The following RSPH14 variants were observed in gnomAD, a reference collection of about 807,000 sequenced individuals.
RSPH14 encodes the protein radial spoke head 14 homolog.
In RSPH14, 20 loss-of-function variants were observed where a neutral mutation model predicts 26.7. That is an observed-to-expected ratio of 0.75 (90% CI 0.53 to 1.09). RSPH14 has a LOEUF of 1.09. Ranked by LOEUF, RSPH14 falls within the 50% of genes least tolerant of loss-of-function variation. The pLI, the probability that RSPH14 is intolerant of heterozygous loss-of-function variation, is 0.00. For missense variants in RSPH14, 449 were observed against 457.2 expected, an observed-to-expected ratio of 0.98 and a Z score of 0.16; for synonymous variants, 177 against 189.3, an observed-to-expected ratio of 0.93 and a Z score of 0.53.
intron 1 of RSPH14, among the ~76,000 whole-genome samples, chr22:23,140,743 G>T (rs1381926177): frequency 1.3e-5 from 2 of 152,176 alleles, no homozygotes; most frequent in Non-Finnish European, 2.9e-5. Flanking sequence ...TTCAGTCAAA[G>T]GCATTAAAGG....
intron 4 of RSPH14, among the ~76,000 whole-genome samples, chr22:23,074,916 C>G (rs566314455): frequency 3.3e-5 from 5 of 152,270 alleles, no homozygotes; most frequent in African/African-American, 4.8e-5. Flanking sequence ...CACCTGTAAT[C>G]CTATACTATG....
chr22:23,175,306 A>AT, the RSPH14 span, among the ~76,000 whole-genome samples: 6 of 149,750 alleles, frequency 4.0e-5, no homozygotes, highest in South Asian at 4.2e-4. Flanking sequence ...CAAAAAATCT[A>AT]TTTTTTTTTA....
At chr22:23,095,438 C>T (rs1333959430) in intron 4 of RSPH14, 1 of 509,856 alleles carries the variant, frequency 2.0e-6, no homozygotes, top group Admixed American at 3.6e-5. Flanking sequence ...TACGGCAAAT[C>T]AGGCCACTTT....
chr22:23,079,730 C>T (rs28694420), intron 4 of RSPH14, among the ~76,000 whole-genome samples: 2 of 152,092 alleles, frequency 1.3e-5, no homozygotes, highest in Non-Finnish European at 2.9e-5. Flanking sequence ...GGCTGGCTAG[C>T]GGGAGTGAGT....
At chr22:23,099,847 G>A (rs996194548) in intron 4 of RSPH14, among the ~76,000 whole-genome samples, 8 of 152,262 alleles carry the variant, frequency 5.3e-5, no homozygotes, top group African/African-American at 1.9e-4. Flanking sequence ...AGCAGAGCCT[G>A]GGTCTTCACT....
chr22:23,152,547 C>G, the RSPH14 span: 1 of 1,610,904 alleles, frequency 6.2e-7, no homozygotes, highest in Non-Finnish European at 8.5e-7. Context: ...TCCTCTGCCC[C>G]TTTGGCCACC....
chr22:23,132,844 G>C (rs1411094011), intron 4 of RSPH14: 1 of 151,810 alleles, frequency 6.6e-6, no homozygotes, highest in Non-Finnish European at 1.5e-5. Context: ...ATCTGGGCTG[G>C]TTCACCCCTC....
chr22:23,100,432 A>C (rs552315645), intron 4 of RSPH14, among the ~76,000 whole-genome samples: 1 of 152,298 alleles, frequency 6.6e-6, no homozygotes, highest in South Asian at 2.1e-4. Flanking sequence ...GCTGGTCAAC[A>C]TGTTATCAGT....
the RSPH14 span, among the ~76,000 whole-genome samples, chr22:23,157,104 A>T: frequency 6.6e-6 from 1 of 152,178 alleles, no homozygotes; most frequent in Non-Finnish European, 1.5e-5. Flanking sequence ...GGGTGCGGCC[A>T]GTGATGAGAG....
intron 4 of RSPH14, among the ~76,000 whole-genome samples, chr22:23,106,111 C>T (rs956646012): frequency 2.0e-5 from 3 of 152,296 alleles, no homozygotes; most frequent in African/African-American, 7.2e-5. Flanking sequence ...ACGTGACTCC[C>T]GCCACATATC....
chr22:23,180,039 C>A, the RSPH14 span: 13 of 366,674 alleles, frequency 3.5e-5, no homozygotes, highest in Admixed American at 4.9e-4. Context: ...TATGGCACTG[C>A]GGCGTGGTAG....
At chr22:23,106,836 C>G (rs1329773115) in intron 4 of RSPH14, among the ~76,000 whole-genome samples, 1 of 152,230 alleles carries the variant, frequency 6.6e-6, no homozygotes, top group Non-Finnish European at 1.5e-5. Flanking sequence ...AAGTGGGGGC[C>G]TTCTGACCTG....
intron 4 of RSPH14, among the ~76,000 whole-genome samples, chr22:23,094,285 A>G (rs2069063164): frequency 6.6e-6 from 1 of 152,150 alleles, no homozygotes; most frequent in Non-Finnish European, 1.5e-5. Context: ...CCGGGGAAGA[A>G]GCCTGAGCTT....
At chr22:23,126,659 G>A (rs192776412) in intron 4 of RSPH14, among the ~76,000 whole-genome samples, 1 of 152,334 alleles carries the variant, frequency 6.6e-6, no homozygotes, top group Admixed American at 6.5e-5. Context: ...TTAGCCAACG[G>A]GAGGTAAGCA....
At chr22:23,077,894 C>T (rs1225808401) in intron 4 of RSPH14, among the ~76,000 whole-genome samples, 1 of 152,236 alleles carries the variant, frequency 6.6e-6, no homozygotes, top group Non-Finnish European at 1.5e-5. Flanking sequence ...CACCCCCACA[C>T]TAGTGGCCCT....
At chr22:23,141,660 T>G (rs1212566368) in intron 1 of RSPH14, among the ~76,000 whole-genome samples, 1 of 152,204 alleles carries the variant, frequency 6.6e-6, no homozygotes, top group Non-Finnish European at 1.5e-5. Flanking sequence ...AGGAATCTAC[T>G]CCAGTAAAAG....
rs762588349 is a variant in RSPH14, at chr22:23,123,425, T to A, written c.421+10601A>T. On this transcript the variant is annotated intron_variant, in intron 4 of 6. Coordinates refer to ENST00000216036, the MANE Select transcript of RSPH14 (RefSeq NM_014433.3). ...AGAACAATCTCAAGTACATTGGCCT[T>A]TGCTGAGGAGCTGGGCCCGGGGCCC... 5 of 1,607,162 alleles carry A rather than the reference T, an allele frequency of 3.1e-6. No individual in the cohort carries two copies. The Middle Eastern group carries it at 6.6e-4, about 213-fold the overall frequency.
chr22:23,080,502 C>G (rs1362991191), intron 4 of RSPH14, among the ~76,000 whole-genome samples: 1 of 152,250 alleles, frequency 6.6e-6, no homozygotes, highest in East Asian at 1.9e-4. Context: ...TCTGCTCGGA[C>G]TATGGCTTCA....
the RSPH14 span, among the ~76,000 whole-genome samples, chr22:23,159,538 G>A: frequency 3.5e-4 from 54 of 152,194 alleles, no homozygotes; most frequent in Non-Finnish European, 3.7e-4. Context: ...CTCCATAACC[G>A]GAGAACCCCA....
Sources: allele counts gnomAD v4.1 joint callset (sites outside exome capture counted in the v4.1 genomes callset), GRCh38; gene constraint gnomAD v4.1.1; transcripts MANE v1.5; gene names NCBI Gene and HGNC (gene_info 2026-07-23, HGNC 2026-07-21).